The following RBM20 variants were observed in gnomAD, a reference collection of about 807,000 sequenced individuals.
RBM20 encodes RNA binding motif protein 20.
Under a neutral mutation model 110.1 loss-of-function variants are expected in RBM20, and 51 were observed. The observed-to-expected ratio is 0.46, with a 90% CI of 0.37 to 0.59. The LOEUF is 0.59. Among genes scored for constraint, RBM20 ranks in the 20% least tolerant of loss-of-function variants. The pLI is 0.00. For synonymous variants in RBM20, 589 were observed against 618.2 expected (o/e 0.95, Z 0.70); for missense variants, 1,512 against 1,574.9 (o/e 0.96, Z 0.68).
At chr10:110,769,527 C>A (rs767491656) in intron 1 of RBM20, among the ~76,000 whole-genome samples, 16 of 152,042 alleles carry the variant, frequency 1.1e-4, no homozygotes, top group African/African-American at 3.1e-4. Context: ...ATTACAGCAG[C>A]CCAAATGTTC....
intron 10 of RBM20, 95 bp from the exon 11 acceptor site, chr10:110,821,180 C>T (rs1844903933): frequency 9.8e-7 from 1 of 1,022,260 alleles, no homozygotes; most frequent in African/African-American, 1.6e-5. Flanking sequence ...TGCTCAGATT[C>T]TTCCTGATTT....
intron 7 of RBM20, among the ~76,000 whole-genome samples, chr10:110,807,806 C>T (rs1472602529): frequency 6.6e-6 from 1 of 152,238 alleles, no homozygotes; most frequent in Non-Finnish European, 1.5e-5. Flanking sequence ...CATCCAACTC[C>T]CATGGGGAAT....
In RBM20 at chr10:110,680,245, T is replaced by C. The variant is rs543437837; in HGVS notation, c.191+35600T>C. 1.3e-5 allele frequency among the ~76,000 whole-genome samples: 2 copies of C among 152,126 alleles called. 1 individual carries two copies. Among genetic ancestry groups the C allele is most frequent in the South Asian group, 4.2e-4 (2 of 4,804 alleles). On this transcript the variant is annotated intron_variant, in intron 1 of 13. Coordinates refer to ENST00000369519, the MANE Select transcript of RBM20 (RefSeq NM_001134363.3). Reference sequence around the variant, plus strand: ...GTGGGTGGTGGGTTTGCTCCTTGGATGTGTTGCCTCCTTCGGAGCAGATGG... The same window carrying C: ...GTGGGTGGTGGGTTTGCTCCTTGGACGTGTTGCCTCCTTCGGAGCAGATGG...
intron 1 of RBM20, among the ~76,000 whole-genome samples, chr10:110,764,739 G>C (rs1844056681): frequency 6.6e-6 from 1 of 152,158 alleles, no homozygotes; most frequent in Non-Finnish European, 1.5e-5. Context: ...TTCTAGGGAG[G>C]CACATGCGCA....
intron 7 of RBM20, among the ~76,000 whole-genome samples, chr10:110,806,931 C>A (rs1590692111): frequency 1.3e-5 from 2 of 152,172 alleles, no homozygotes; most frequent in East Asian, 1.9e-4. Flanking sequence ...GAAGTCAATT[C>A]TCTTATTTGA....
intron 12 of RBM20, among the ~76,000 whole-genome samples, chr10:110,827,143 CAT>C (rs1844991943): frequency 6.6e-6 from 1 of 152,090 alleles, no homozygotes; most frequent in South Asian, 2.1e-4. Flanking sequence ...CCCAGGATGA[CAT>C]AGCAAACGCA....
chr10:110,678,436 C>T (rs147563545), intron 1 of RBM20, among the ~76,000 whole-genome samples: 94 of 152,336 alleles, frequency 6.2e-4, no homozygotes, highest in African/African-American at 2.2e-3. Flanking sequence ...CAGCATCATG[C>T]CCACTGCAGC....
intron 1 of RBM20, among the ~76,000 whole-genome samples, chr10:110,676,387 T>C (rs779827274): frequency 2.4e-4 from 37 of 152,066 alleles, no homozygotes; most frequent in Non-Finnish European, 4.3e-4. Context: ...AGTTAAACAA[T>C]GCACGAAACA....
intron 1 of RBM20, among the ~76,000 whole-genome samples, chr10:110,747,305 G>T (rs12267546): frequency 6.6e-5 from 10 of 150,748 alleles, no homozygotes; most frequent in Non-Finnish European, 1.3e-4. Context: ...TTGGGGGGGG[G>T]GGTCATTCTG....
At chr10:110,782,936 G>A (rs1345976792) in intron 2 of RBM20, among the ~76,000 whole-genome samples, 1 of 151,994 alleles carries the variant, frequency 6.6e-6, no homozygotes, top group Non-Finnish European at 1.5e-5. Flanking sequence ...CAAGGATTTT[G>A]TCTCTCATGA....
At chr10:110,769,724 AT>A (rs770732331) in intron 1 of RBM20, among the ~76,000 whole-genome samples, 61 of 146,446 alleles carry the variant, frequency 4.2e-4, no homozygotes, top group South Asian at 1.7e-3. Flanking sequence ...CTCACTATAG[AT>A]TTTTTTTTTT....
At chr10:110,766,984 C>T (rs1274756811) in intron 1 of RBM20, among the ~76,000 whole-genome samples, 4 of 134,440 alleles carry the variant, frequency 3.0e-5, no homozygotes, top group Admixed American at 7.3e-5. Context: ...CCGGACGGGG[C>T]GGCTGGCCGG....
chr10:110,669,763 C>A (rs1196500126), intron 1 of RBM20, among the ~76,000 whole-genome samples: 1 of 152,174 alleles, frequency 6.6e-6, no homozygotes, highest in Non-Finnish European at 1.5e-5. Flanking sequence ...CCCAGCCAAA[C>A]TGACATTTTT....
intron 7 of RBM20, among the ~76,000 whole-genome samples, chr10:110,808,883 T>C (rs1844727623): frequency 1.3e-5 from 2 of 152,098 alleles, no homozygotes; most frequent in South Asian, 4.1e-4. Flanking sequence ...ATCTGTCAAA[T>C]GAGATACGTG....
At chr10:110,697,614 C>T (rs574046581) in intron 1 of RBM20, among the ~76,000 whole-genome samples, 2 of 152,366 alleles carry the variant, frequency 1.3e-5, no homozygotes, top group Non-Finnish European at 2.9e-5. Context: ...CTTCTCACCA[C>T]CTCCTTGGAT....
At chr10:110,747,130 C>A (rs114224297) in intron 1 of RBM20, among the ~76,000 whole-genome samples, 2,079 of 152,182 alleles carry the variant, frequency 0.014, 48 homozygotes, top group African/African-American at 0.047. Context: ...AGGACATAGA[C>A]CTTTCTGTAC....
At chr10:110,802,724 T>C (rs1050060166) in intron 7 of RBM20, among the ~76,000 whole-genome samples, 2 of 152,226 alleles carry the variant, frequency 1.3e-5, no homozygotes, top group East Asian at 1.9e-4. Flanking sequence ...CACTGAGTGC[T>C]CACCGTGGGT....
intron 1 of RBM20, among the ~76,000 whole-genome samples, chr10:110,759,175 G>T (rs554107744): frequency 2.6e-5 from 4 of 152,278 alleles, no homozygotes; most frequent in East Asian, 3.9e-4. Flanking sequence ...TGTTCGTTCT[G>T]GGAACGAATC....
chr10:110,652,188 TATA>T, intron 1 of RBM20, among the ~76,000 whole-genome samples: 1 of 152,314 alleles, frequency 6.6e-6, no homozygotes, highest in African/African-American at 2.4e-5. Flanking sequence ...AGGAGAACCA[TATA>T]ATATTAACTA....
Sources: allele counts gnomAD v4.1 joint callset (sites outside exome capture counted in the v4.1 genomes callset), GRCh38; gene constraint gnomAD v4.1.1; transcripts MANE v1.5; gene names NCBI Gene and HGNC (gene_info 2026-07-23, HGNC 2026-07-21).